SLC25A26: variants seen among roughly 807,000 people sequenced by gnomAD.
The protein encoded by SLC25A26 is mitochondrial S-adenosylmethionine carrier protein.
Under a neutral mutation model 37.8 loss-of-function variants are expected in SLC25A26, and 36 were observed. The ratio of observed to expected loss-of-function variants is 0.95; its 90% CI spans 0.73 to 1.26. The LOEUF (loss-of-function observed/expected upper bound fraction) is 1.26. SLC25A26 is among the 50% of genes most tolerant of loss of function. The pLI, the probability that SLC25A26 is intolerant of heterozygous loss-of-function variation, is 0.00. For synonymous variants in SLC25A26, 129 were observed against 122.5 expected, an observed-to-expected ratio of 1.05 and a Z score of -0.35; for missense variants, 390 against 331.1, an observed-to-expected ratio of 1.18 and a Z score of -1.38.
chr3:66,268,667 A>G (rs1314553983), intron 5 of SLC25A26, among the ~76,000 whole-genome samples: 1 of 152,188 alleles, frequency 6.6e-6, no homozygotes, highest in Non-Finnish European at 1.5e-5. Context: ...GAGCTTTAAC[A>G]GTGAAGGACA....
chr3:66,200,395 T>C (rs1383538374), intron 1 of SLC25A26, among the ~76,000 whole-genome samples: 3 of 152,204 alleles, frequency 2.0e-5, no homozygotes, highest in Non-Finnish European at 2.9e-5. Flanking sequence ...TGGCACAGCA[T>C]ACAGACCACA....
intron 5 of SLC25A26, among the ~76,000 whole-genome samples, chr3:66,341,840 T>C (rs1221523690): frequency 1.3e-5 from 2 of 152,150 alleles, no homozygotes; most frequent in East Asian, 1.9e-4. Context: ...ATTAAAAAAA[T>C]CAGAATGTAT....
intron 1 of SLC25A26, among the ~76,000 whole-genome samples, chr3:66,138,594 A>G (rs2069983532): frequency 6.7e-6 from 1 of 150,160 alleles, no homozygotes; most frequent in Admixed American, 6.6e-5. Context: ...TCTCTGGTAA[A>G]ATGTTTCCAA....
rs1700236361 is a variant in SLC25A26, at chr3:66,369,507, C to G, written c.598C>G (p.Leu200Val). ...ATTTGCCGCTGCAGTCACCACCCCTCTAGACGTGGCAAAGACAAGAATTAC... is the reference window on the plus strand; with the variant it reads ...ATTTGCCGCTGCAGTCACCACCCCTGTAGACGTGGCAAAGACAAGAATTAC... Reference protein sequence around the residue: ...GGFAAAVTTPLDVAKTRITLA... With the variant: ...GGFAAAVTTPVDVAKTRITLA... The change falls in exon 8 of 10, where the codon CTA becomes GTA. Residue 200 changes from leucine (L) to valine (V), a missense_variant. Coordinates refer to ENST00000354883, the MANE Select transcript of SLC25A26 (RefSeq NM_001379210.1). 2 of 1,604,672 alleles carry G rather than the reference C, an allele frequency of 1.2e-6. No individual in the cohort carries two copies. The highest frequency in any genetic ancestry group is 1.1e-5 in the South Asian group (1 of 88,552).
chr3:66,265,267 A>C (rs1357502317), intron 5 of SLC25A26, among the ~76,000 whole-genome samples: 1 of 152,150 alleles, frequency 6.6e-6, no homozygotes, highest in Non-Finnish European at 1.5e-5. Context: ...TGATTGTGCC[A>C]CTGCACTCCA....
intron 2 of SLC25A26, among the ~76,000 whole-genome samples, chr3:66,238,656 C>T (rs535171711): frequency 3.9e-5 from 6 of 152,278 alleles, no homozygotes; most frequent in Admixed American, 1.3e-4. Context: ...TGAGCCACTG[C>T]GCCTGGCAAA....
At chr3:66,317,053 C>G (rs902044652) in intron 5 of SLC25A26, among the ~76,000 whole-genome samples, 2 of 152,148 alleles carry the variant, frequency 1.3e-5, no homozygotes, top group African/African-American at 4.8e-5. Context: ...AGAACACACT[C>G]CTTTATCTCA....
At chr3:66,298,308 G>C (rs941230463) in intron 5 of SLC25A26, among the ~76,000 whole-genome samples, 1 of 152,182 alleles carries the variant, frequency 6.6e-6, no homozygotes, top group African/African-American at 2.4e-5. Flanking sequence ...TACTAAGCTG[G>C]TGAAATTAAT....
chr3:66,347,138 T>C (rs2076345038), intron 6 of SLC25A26, among the ~76,000 whole-genome samples: 1 of 152,078 alleles, frequency 6.6e-6, no homozygotes, highest in Admixed American at 6.6e-5. Context: ...CTAATTAAAC[T>C]AAAGAGCTTC....
rs907376060 is a variant in SLC25A26 at position 66,204,774 on chromosome 3, A to G, written c.-353-15968A>G. 7.9e-4 allele frequency among the ~76,000 whole-genome samples: 120 copies of G among 152,320 alleles called. No individual in the cohort carries two copies. The Middle Eastern group carries it at 0.01, about 13-fold the overall frequency. On this transcript the variant is annotated intron_variant, in intron 1 of 10. Coordinates refer to the SLC25A26 transcript ENST00000676754. ...TACCGAGTACAATATCATTTCAGTG[A>G]TAGATTATCAATGTCTGCCGTGTGT...
At chr3:66,226,880 T>TA (rs1234059407) in intron 1 of SLC25A26, among the ~76,000 whole-genome samples, 152,224 of 152,286 alleles carry the variant, frequency 1, 76,081 homozygotes, top group Non-Finnish European at 1. Flanking sequence ...GCTTTGGTTG[T>TA]AATATATAGG....
intron 5 of SLC25A26, among the ~76,000 whole-genome samples, chr3:66,300,256 G>GTTTT (rs916553948): frequency 6.5e-4 from 76 of 116,664 alleles, no homozygotes; most frequent in Non-Finnish European, 1.1e-3. Flanking sequence ...TTTTTGTTTT[G>GTTTT]TTTTTTTTTT....
intron 5 of SLC25A26, among the ~76,000 whole-genome samples, chr3:66,299,108 G>A (rs920383297): frequency 6.6e-6 from 1 of 152,298 alleles, no homozygotes; most frequent in East Asian, 1.9e-4. Context: ...GTTACTGTGT[G>A]TGTGTTTATA....
chr3:66,254,131 C>T (rs1047185418), intron 3 of SLC25A26, among the ~76,000 whole-genome samples: 3 of 152,044 alleles, frequency 2.0e-5, no homozygotes, highest in African/African-American at 7.2e-5. Context: ...GGTCCCAATG[C>T]AAGTAGGTAA....
chr3:66,359,388 A>G lies in SLC25A26; in HGVS notation c.499-3472A>G, dbSNP rs370342070. On this transcript the variant is annotated intron_variant, in intron 6 of 9. Transcript: ENST00000354883. The stretch of plus-strand genomic sequence containing the variant: ...CACCTAGTAAGTAGTTGTTGAATTT[A>G]TGACTTGCATAACATTTTTGATTTC... Among the ~76,000 whole-genome samples the G allele has an allele frequency of 9.8e-5, 15 of 152,310 alleles. No individual in the cohort carries two copies. The East Asian group carries it at 2.1e-3, about 22-fold the overall frequency.
At chr3:66,142,729 T>C (rs1249126653) in intron 1 of SLC25A26, among the ~76,000 whole-genome samples, 1 of 152,184 alleles carries the variant, frequency 6.6e-6, no homozygotes, top group Non-Finnish European at 1.5e-5. Context: ...GTCTCCCATA[T>C]CACATAAAAT....
At chr3:66,283,339 G>C (rs991296810) in intron 5 of SLC25A26, among the ~76,000 whole-genome samples, 2 of 152,146 alleles carry the variant, frequency 1.3e-5, no homozygotes, top group Non-Finnish European at 2.9e-5. Context: ...GCTGAGTGCA[G>C]TGGCGCAGTC....
At chr3:66,295,229 G>T (rs898013282) in intron 5 of SLC25A26, among the ~76,000 whole-genome samples, 2 of 149,050 alleles carry the variant, frequency 1.3e-5, no homozygotes, top group African/African-American at 2.6e-5. Flanking sequence ...AAATTTGCTT[G>T]TGTGTTTTTT....
rs1434483479 is a variant in SLC25A26 at position 66,191,053 on chromosome 3, T to C, written c.-353-29689T>C. Among the ~76,000 whole-genome samples, 4 of 53,468 alleles carry C rather than the reference T, an allele frequency of 7.5e-5. No individual in the cohort carries two copies. In the Admixed American group the frequency reaches 8.1e-4, roughly 11 times the overall value. 35.1% of individuals were successfully genotyped at this position (53,468 alleles called of 152,430 possible). On this transcript the variant is annotated intron_variant, in intron 1 of 10. Coordinates refer to the SLC25A26 transcript ENST00000676754. The stretch of plus-strand genomic sequence containing the variant: ...ATAAGCTCAGTTTCAGACATTCCTC[T>C]CAAAAGAAACTTTATTGCTTCTTAG...
Sources: gnomAD v4.1 joint callset for allele counts (sites outside exome capture counted in the v4.1 genomes callset) on GRCh38, gnomAD v4.1.1 for gene constraint, MANE v1.5 for transcripts, NCBI Gene and HGNC (gene_info 2026-07-23, HGNC 2026-07-21) for gene names.